The following TNFRSF11A variants were observed in gnomAD, a reference collection of about 807,000 sequenced individuals.
The protein encoded by TNFRSF11A is TNF receptor superfamily member 11a.
In TNFRSF11A, 32 loss-of-function variants were observed where a neutral mutation model predicts 55.7. That is an observed-to-expected ratio of 0.57 (90% confidence interval 0.43 to 0.77). TNFRSF11A has a LOEUF of 0.77. Among genes scored for constraint, TNFRSF11A ranks in the 30% least tolerant of loss-of-function variants. The probability of loss-of-function intolerance (pLI) is 0.00; values close to 1 mark genes in which losing one functional copy is unlikely to be tolerated. For missense variants in TNFRSF11A, 753 were observed against 809.8 expected (o/e 0.93, Z 0.85); for synonymous variants, 311 against 331.0 (o/e 0.94, Z 0.65).
At chr18:62,339,712 C>A (rs1418690240) in intron 1 of TNFRSF11A, among the ~76,000 whole-genome samples, 4 of 152,196 alleles carry the variant, frequency 2.6e-5, no homozygotes, top group African/African-American at 9.6e-5. Flanking sequence ...GAGATTGATA[C>A]TTCCTCCTGT....
intron 5 of TNFRSF11A, among the ~76,000 whole-genome samples, chr18:62,359,612 C>T (rs1328693277): frequency 2.0e-5 from 3 of 152,174 alleles, no homozygotes; most frequent in Non-Finnish European, 4.4e-5. Context: ...TTCCTGGGCT[C>T]AAGCAATCTT....
intron 1 of TNFRSF11A, among the ~76,000 whole-genome samples, chr18:62,329,489 C>T (rs987876869): frequency 3.9e-5 from 6 of 152,218 alleles, no homozygotes; most frequent in Non-Finnish European, 7.3e-5. Context: ...TGTGGGACGG[C>T]CTTTCTGTGT....
chr18:62,378,779 A>T (rs1911068393), intron 9 of TNFRSF11A, among the ~76,000 whole-genome samples: 1 of 152,170 alleles, frequency 6.6e-6, no homozygotes, highest in Non-Finnish European at 1.5e-5. Flanking sequence ...AGATTGGGAG[A>T]GTTAGGTGGT....
intron 3 of TNFRSF11A, among the ~76,000 whole-genome samples, chr18:62,353,086 C>T (rs2046497348): frequency 6.6e-6 from 1 of 152,094 alleles, no homozygotes; most frequent in South Asian, 2.1e-4. Flanking sequence ...TGTGGTTATG[C>T]ACAGTAGTTA....
Position 62,390,258 on chromosome 18 carries a change from AC to A in TNFRSF11A, c.*5227del, listed in dbSNP as rs754002248. 7.2e-5 allele frequency: 11 copies of A among 152,316 alleles called. No homozygotes were observed. The highest frequency in any genetic ancestry group is 1.5e-4 in the Non-Finnish European group (10 of 68,024). 9.4% of individuals were successfully genotyped at this position (152,316 alleles called of 1,614,324 possible). A position where few individuals can be genotyped will look rare whatever the true frequency, so the allele number is the denominator to read the frequency against. ...ACAGTTGACAGGACTGTTATGGTTG[AC>A]CCAAAAGTTGTCATCTTCTGACATG... On this transcript the variant is annotated 3_prime_UTR_variant, in exon 10 of 10. Transcript: ENST00000586569.
chr18:62,334,409 C>A (rs1343869290), intron 1 of TNFRSF11A, among the ~76,000 whole-genome samples: 1 of 152,160 alleles, frequency 6.6e-6, no homozygotes, highest in African/African-American at 2.4e-5. Context: ...GGGTGTACCG[C>A]CTCAGAGGGT....
rs11289576 is a variant in TNFRSF11A, at chr18:62,335,129, A to ATTTTTTTTT, written c.75+9710_75+9718dup. 7.2e-4 allele frequency among the ~76,000 whole-genome samples: 101 copies of ATTTTTTTTT among 140,770 alleles called. 1 individual carries two copies. The highest frequency in any genetic ancestry group is 1.1e-3 in the Non-Finnish European group (73 of 64,626). 92.4% of individuals were successfully genotyped at this position (140,770 alleles called of 152,430 possible). ...CTGTGACCAAGCCACTGGGGTCGGA[A>ATTTTTTTTT]TTTTTTTTTTTTTTTTGTTACCCAG... On this transcript the variant is annotated intron_variant, in intron 1 of 9. Transcript: ENST00000586569.
intron 9 of TNFRSF11A, among the ~76,000 whole-genome samples, chr18:62,382,936 GT>G (rs1461933333): frequency 4.6e-5 from 7 of 152,228 alleles, no homozygotes; most frequent in Non-Finnish European, 4.4e-5. Context: ...TTCCTGATGA[GT>G]TTATCTGGTG....
chr18:62,330,621 G>A (rs958482379), intron 1 of TNFRSF11A, among the ~76,000 whole-genome samples: 6 of 152,084 alleles, frequency 3.9e-5, no homozygotes, highest in South Asian at 4.1e-4. Context: ...GTCCAGGGGC[G>A]GGCCGGAGGG....
chr18:62,391,114 G>A lies in TNFRSF11A; in HGVS notation c.*6080G>A, dbSNP rs1911975239. 6.6e-6 allele frequency: 1 copy of A among 152,202 alleles called. No individual in the cohort carries two copies. The highest frequency in any genetic ancestry group is 1.5e-5 in the Non-Finnish European group (1 of 68,050). 9.4% of individuals were successfully genotyped at this position (152,202 alleles called of 1,614,324 possible). On this transcript the variant is annotated 3_prime_UTR_variant, in exon 10 of 10. Coordinates refer to ENST00000586569, the MANE Select transcript of TNFRSF11A (RefSeq NM_003839.4). Reference sequence around the variant, plus strand: ...GTCGTGTAGAGTTACACAGCTCATAGCCATTTGAGTCTGGCTTCTTTCCAC... The same window carrying A: ...GTCGTGTAGAGTTACACAGCTCATAACCATTTGAGTCTGGCTTCTTTCCAC...
At chr18:62,335,115 C>T (rs147702463) in intron 1 of TNFRSF11A, among the ~76,000 whole-genome samples, 3 of 122,522 alleles carry the variant, frequency 2.4e-5, no homozygotes, top group African/African-American at 8.5e-5. Context: ...TGTGACCAAG[C>T]CACTGGGGTC....
At chr18:62,372,030 T>G (rs2145365223) in intron 9 of TNFRSF11A, among the ~76,000 whole-genome samples, 1 of 152,296 alleles carries the variant, frequency 6.6e-6, no homozygotes, top group South Asian at 2.1e-4. Flanking sequence ...ACTTTTCCTT[T>G]AGGGAAGAGT....
At chr18:62,340,321 C>A (rs2046293917) in intron 1 of TNFRSF11A, among the ~76,000 whole-genome samples, 1 of 151,872 alleles carries the variant, frequency 6.6e-6, no homozygotes, top group African/African-American at 2.4e-5. Context: ...TAGGCTCAAG[C>A]GATCCTCCTG....
intron 1 of TNFRSF11A, among the ~76,000 whole-genome samples, chr18:62,341,279 C>T (rs898131858): frequency 6.6e-6 from 1 of 152,162 alleles, no homozygotes; most frequent in East Asian, 1.9e-4. Context: ...TTTCCAATCC[C>T]GTGATAAAGG....
Position 62,386,152 on chromosome 18 carries a change from C to G in TNFRSF11A, c.*1118C>G, listed in dbSNP as rs1672915493. 1.3e-5 allele frequency: 2 copies of G among 152,124 alleles called. No individual in the cohort carries two copies. The highest frequency in any genetic ancestry group is 2.1e-4 in the South Asian group (1 of 4,830). The allele number at this position is 152,124 out of a possible 1,614,324, so 9.4% of individuals were successfully genotyped here. A position where few individuals can be genotyped will look rare whatever the true frequency, so the allele number is the denominator to read the frequency against. ...TTTCTAAAACTCCAAGTTGCTGCAG[C>G]TTGGCATTCTTCTTATTCTAGAGGT... On this transcript the variant is annotated 3_prime_UTR_variant, in exon 10 of 10. Coordinates refer to ENST00000586569, the MANE Select transcript of TNFRSF11A (RefSeq NM_003839.4).
intron 4 of TNFRSF11A, among the ~76,000 whole-genome samples, chr18:62,357,628 A>T (rs537577341): frequency 7.9e-4 from 121 of 152,324 alleles, no homozygotes; most frequent in African/African-American, 2.8e-3. Context: ...ATGACCCTTT[A>T]TAGAAAATGT....
Position 62,385,094 on chromosome 18 carries a change from A to T in TNFRSF11A, c.*60A>T, listed in dbSNP as rs1375905646. 2 of 1,393,846 alleles carry T rather than the reference A, an allele frequency of 1.4e-6. No individual in the cohort carries two copies. Among genetic ancestry groups the T allele is most frequent in the South Asian group, 1.6e-5 (1 of 62,776 alleles). The allele number at this position is 1,393,846 out of a possible 1,614,324, so 86.3% of individuals were successfully genotyped here. On this transcript the variant is annotated 3_prime_UTR_variant, in exon 10 of 10. Coordinates refer to ENST00000586569, the MANE Select transcript of TNFRSF11A (RefSeq NM_003839.4). ...CCAGGGCTCGCGAGGGCAGCACCGC[A>T]GCCTCTGCCCCAGCCCCGGCCACCC...
chr18:62,387,302 C>G lies in TNFRSF11A; in HGVS notation c.*2268C>G, dbSNP rs1600438362. 6.8e-6 allele frequency: 1 copy of G among 147,254 alleles called. No homozygotes were observed. Among genetic ancestry groups the G allele is most frequent in the Non-Finnish European group, 1.5e-5 (1 of 64,674 alleles). The allele number at this position is 147,254 out of a possible 1,614,324, so 9.1% of individuals were successfully genotyped here. A position where few individuals can be genotyped will look rare whatever the true frequency, so the allele number is the denominator to read the frequency against. On this transcript the variant is annotated 3_prime_UTR_variant, in exon 10 of 10. Transcript: ENST00000586569. ...ATGTATAGAAAATATAAGTCTGTGT[C>G]TGTGTACTGTAGAGATGTATGTGAC...
rs1017729325 is a variant in TNFRSF11A, at chr18:62,366,565, G to T, written c.731-143G>T. 5 of 875,934 alleles carry T rather than the reference G, an allele frequency of 5.7e-6. No homozygotes were observed. The African/African-American group carries it at 8.4e-5, about 15-fold the overall frequency. 54.3% of individuals were successfully genotyped at this position (875,934 alleles called of 1,614,324 possible). ...AGTGAGATGATGGGTATGTTAATTT[G>T]CTTCACTATAGTAACCATTTTACTA... On this transcript the variant is annotated intron_variant, in intron 7 of 9. Transcript: ENST00000586569.
Sources: gnomAD v4.1 joint callset for allele counts (sites outside exome capture counted in the v4.1 genomes callset) on GRCh38, gnomAD v4.1.1 for gene constraint, MANE v1.5 for transcripts, NCBI Gene and HGNC (gene_info 2026-07-23, HGNC 2026-07-21) for gene names.